Variants in SUSD1 observed in about 807,000 individuals in gnomAD.
SUSD1 encodes the protein sushi domain-containing protein 1.
A neutral mutation model predicts 86.9 loss-of-function variants in SUSD1; 65 were observed. The ratio of observed to expected loss-of-function variants is 0.75; its 90% CI spans 0.61 to 0.92. SUSD1 has a LOEUF of 0.92. Among genes scored for constraint, SUSD1 ranks in the 40% least tolerant of loss-of-function variants. SUSD1 has a pLI of 0.00. For synonymous variants in SUSD1, 346 were observed against 350.0 expected, an observed-to-expected ratio of 0.99 and a Z score of 0.13; for missense variants, 850 against 929.7, an observed-to-expected ratio of 0.91 and a Z score of 1.11.
At chr9:112,068,715 AAAT>A (rs1335477608) in intron 12 of SUSD1, among the ~76,000 whole-genome samples, 54 of 146,014 alleles carry the variant, frequency 3.7e-4, no homozygotes, top group East Asian at 8.3e-4. Flanking sequence ...AAAAAAAAAA[AAAT>A]ATTTTTAGCC....
At chr9:112,147,232 C>T (rs1028981161) in intron 3 of SUSD1, among the ~76,000 whole-genome samples, 3 of 152,134 alleles carry the variant, frequency 2.0e-5, no homozygotes, top group Admixed American at 1.3e-4. Flanking sequence ...AAAGGCCAGG[C>T]GTGGTGGCTC....
At chr9:112,128,529 G>A (rs1011309968) in intron 5 of SUSD1, among the ~76,000 whole-genome samples, 3 of 152,140 alleles carry the variant, frequency 2.0e-5, no homozygotes, top group Non-Finnish European at 4.4e-5. Flanking sequence ...GAGTAGCTGG[G>A]ATTACAGGTG....
intron 8 of SUSD1, among the ~76,000 whole-genome samples, chr9:112,110,288 G>T (rs1221003339): frequency 6.6e-6 from 1 of 152,280 alleles, no homozygotes; most frequent in East Asian, 1.9e-4. Flanking sequence ...AGCAAAGATT[G>T]CAGTGAGCTG....
intron 2 of SUSD1, among the ~76,000 whole-genome samples, chr9:112,151,696 G>C (rs961541186): frequency 1.3e-5 from 2 of 152,034 alleles, no homozygotes; most frequent in African/African-American, 4.8e-5. Flanking sequence ...GAGGTCAGGA[G>C]TTCAAGACCA....
In SUSD1 at chr9:112,170,708, T is replaced by TAGAGAGAG. The variant is rs374990062; in HGVS notation, c.103+4424_103+4425insCTCTCTCT. Among the ~76,000 whole-genome samples, 242 of 95,492 alleles carry TAGAGAGAG rather than the reference T, an allele frequency of 2.5e-3. 1 individual carries two copies. The highest frequency in any genetic ancestry group is 9.7e-3 in the African/African-American group (209 of 21,602). The allele number at this position is 95,492 out of a possible 152,430, so 62.6% of individuals were successfully genotyped here. On this transcript the variant is annotated intron_variant, in intron 1 of 16. Coordinates refer to ENST00000374270, the MANE Select transcript of SUSD1 (RefSeq NM_022486.5). ...TGGCCAGATCATATATATATATATA[T>TAGAGAGAG]ATAGAGAGAGAGAGAGAGAGAGAGA...
At chr9:112,155,989 A>G (rs1833291136) in intron 2 of SUSD1, among the ~76,000 whole-genome samples, 1 of 151,418 alleles carries the variant, frequency 6.6e-6, no homozygotes, top group Admixed American at 6.6e-5. Flanking sequence ...AGAAAGAAAG[A>G]AAGAGAGAAA....
At chr9:112,073,609 C>A (rs2131540616) in intron 12 of SUSD1, among the ~76,000 whole-genome samples, 1 of 151,562 alleles carries the variant, frequency 6.6e-6, no homozygotes, top group East Asian at 1.9e-4. Flanking sequence ...GCATACTCAG[C>A]TGGACAGTGG....
Position 112,175,026 on chromosome 9 carries a change from C to CCG in SUSD1, c.103+105_103+106dup, listed in dbSNP as rs1317629847. On this transcript the variant is annotated intron_variant, in intron 1 of 16. Transcript: ENST00000374270. This position sits in a 1 kb window ranked among gnomAD's most constrained non-coding sequence, Gnocchi z 4.7. ...CCCACCTGCGCCCCACGCCTCGGCACCGCGCCGGCCCGGCCCAGGGGCGGG... is the reference window on the plus strand; with the variant it reads ...CCCACCTGCGCCCCACGCCTCGGCACCGCGCGCCGGCCCGGCCCAGGGGCGGG... 1 of 896,244 alleles carries CCG rather than the reference C, an allele frequency of 1.1e-6. No homozygotes were observed. The highest frequency in any genetic ancestry group is 1.2e-4 in the East Asian group (1 of 8,600). The allele number at this position is 896,244 out of a possible 1,614,324, so 55.5% of individuals were successfully genotyped here.
chr9:112,116,106 G>T (rs1035160946), intron 6 of SUSD1, among the ~76,000 whole-genome samples: 1 of 152,200 alleles, frequency 6.6e-6, no homozygotes, highest in African/African-American at 2.4e-5. Flanking sequence ...TCTCTGAGTT[G>T]CCAGCAAAGC....
intron 10 of SUSD1, among the ~76,000 whole-genome samples, chr9:112,085,506 A>G (rs763549852): frequency 6.6e-6 from 1 of 152,224 alleles, no homozygotes; most frequent in Non-Finnish European, 1.5e-5. Context: ...AGTTACAGAG[A>G]TAGTAAGTGG....
intron 8 of SUSD1, among the ~76,000 whole-genome samples, chr9:112,105,493 T>A (rs1195279032): frequency 6.6e-6 from 1 of 151,860 alleles, no homozygotes; most frequent in Non-Finnish European, 1.5e-5. Context: ...CCAAGACAGG[T>A]GGATCACTTG....
chr9:112,104,391 CTAATAATAATAATAGTAA>C (rs1564297580), intron 8 of SUSD1, among the ~76,000 whole-genome samples: 1 of 151,560 alleles, frequency 6.6e-6, no homozygotes, highest in African/African-American at 2.4e-5. Context: ...ATTGCTACTG[CTAATAATAATAATAGTAA>C]TAATAATAAT....
At chr9:112,174,163 A>T (rs1834170113) in intron 1 of SUSD1, among the ~76,000 whole-genome samples, 1 of 152,112 alleles carries the variant, frequency 6.6e-6, no homozygotes, top group Non-Finnish European at 1.5e-5. Context: ...CCCGGGCCTG[A>T]ATTCTGAAGG....
At chr9:112,075,449 G>A (rs535718448) in intron 12 of SUSD1, among the ~76,000 whole-genome samples, 1 of 152,302 alleles carries the variant, frequency 6.6e-6, no homozygotes, top group African/African-American at 2.4e-5. Context: ...GCTCTAGGCT[G>A]GGCACAGAGA....
At chr9:112,108,623 C>T (rs991190719) in intron 8 of SUSD1, among the ~76,000 whole-genome samples, 1 of 151,322 alleles carries the variant, frequency 6.6e-6, no homozygotes, top group Non-Finnish European at 1.5e-5. Context: ...ACAAAAAATA[C>T]AAAAATTTGC....
chr9:112,058,037 G>A (rs144918892), intron 14 of SUSD1, among the ~76,000 whole-genome samples: 7 of 152,206 alleles, frequency 4.6e-5, no homozygotes, highest in Non-Finnish European at 8.8e-5. Context: ...AAAAACAGCC[G>A]AGTGCTGTGC....
At chr9:112,099,934 T>G (rs548353367) in intron 9 of SUSD1, among the ~76,000 whole-genome samples, 1 of 152,218 alleles carries the variant, frequency 6.6e-6, no homozygotes, top group Non-Finnish European at 1.5e-5. Flanking sequence ...AGCTCAATGC[T>G]ATGAACTTCC....
chr9:112,161,520 T>C (rs1184827653), intron 1 of SUSD1, among the ~76,000 whole-genome samples: 1 of 151,854 alleles, frequency 6.6e-6, no homozygotes, highest in African/African-American at 2.4e-5. Context: ...CCAATTTAAT[T>C]TGTAGATAGA....
chr9:112,047,280 G>A lies in SUSD1; in HGVS notation c.2149+5119C>T, dbSNP rs528623751. Among the ~76,000 whole-genome samples the A allele has an allele frequency of 2.3e-3, 343 of 152,240 alleles. 2 individuals carry two copies. The highest frequency in any genetic ancestry group is 4.0e-3 in the Non-Finnish European group (269 of 67,998). On this transcript the variant is annotated intron_variant, in intron 15 of 16. Transcript: ENST00000374270. ...CCAAATCTCATGAGAACTCTATCAC[G>A]AGAACAGCAAGGGGGTAATTCATTC...
Sources: gnomAD v4.1 joint callset for allele counts (sites outside exome capture counted in the v4.1 genomes callset) on GRCh38, gnomAD v4.1.1 for gene constraint, Gnocchi (gnomAD v3.1) non-coding constraint, MANE v1.5 for transcripts, NCBI Gene and HGNC (gene_info 2026-07-23, HGNC 2026-07-21) for gene names.